INPP4B: variants seen among roughly 807,000 people sequenced by gnomAD.
INPP4B encodes inositol polyphosphate 4-phosphatase type II.
In INPP4B, 55 loss-of-function variants were observed where a neutral mutation model predicts 122.5. The ratio of observed to expected loss-of-function variants is 0.45; its 90% CI spans 0.36 to 0.56. INPP4B has a LOEUF of 0.56. INPP4B is among the 20% of genes least tolerant of loss of function. The pLI is 0.00. For synonymous variants in INPP4B, 403 were observed against 388.7 expected (o/e 1.04, Z -0.43); for missense variants, 1,000 against 1,097.7 (o/e 0.91, Z 1.26).
chr4:142,269,048 A>G (rs780922960), intron 10 of INPP4B, among the ~76,000 whole-genome samples: 4 of 152,146 alleles, frequency 2.6e-5, no homozygotes, highest in Non-Finnish European at 5.9e-5. Flanking sequence ...CACCCTAACA[A>G]TGTAAATTAA....
intron 1 of INPP4B, among the ~76,000 whole-genome samples, chr4:142,825,902 T>C (rs144584235): frequency 2.7e-4 from 41 of 152,294 alleles, no homozygotes; most frequent in Non-Finnish European, 2.8e-4. Flanking sequence ...CTAAAAGTCC[T>C]ATAATGCTTA....
intron 3 of INPP4B, among the ~76,000 whole-genome samples, chr4:142,432,712 C>A (rs1363663591): frequency 6.6e-6 from 1 of 152,026 alleles, no homozygotes; most frequent in East Asian, 1.9e-4. Flanking sequence ...TAGCAGACTG[C>A]AAGGCATGTG....
At chr4:142,745,979 T>C (rs974056044) in intron 1 of INPP4B, among the ~76,000 whole-genome samples, 1 of 151,952 alleles carries the variant, frequency 6.6e-6, no homozygotes, top group Non-Finnish European at 1.5e-5. Flanking sequence ...GTAATCATTG[T>C]TGAAGGTCTG....
intron 2 of INPP4B, among the ~76,000 whole-genome samples, chr4:142,724,077 C>T (rs10003729): frequency 0.011 from 1,643 of 152,152 alleles, 36 homozygotes; most frequent in African/African-American, 0.038. Flanking sequence ...TTCCTTGATT[C>T]CTTTATTTAC....
At chr4:142,033,328 G>A (rs1341111868) in intron 25 of INPP4B, among the ~76,000 whole-genome samples, 1 of 152,178 alleles carries the variant, frequency 6.6e-6, no homozygotes, top group Non-Finnish European at 1.5e-5. Context: ...CACTGTGCCA[G>A]CCACACCCTC....
chr4:142,053,586 A>G (rs201492423), intron 25 of INPP4B, among the ~76,000 whole-genome samples: 1 of 37,848 alleles, frequency 2.6e-5, no homozygotes, highest in East Asian at 1.7e-3. Context: ...TTGTACCTGT[A>G]GTCATGGCCC....
At chr4:142,155,384 T>C (rs1026484352) in intron 17 of INPP4B, among the ~76,000 whole-genome samples, 2 of 152,138 alleles carry the variant, frequency 1.3e-5, no homozygotes, top group African/African-American at 2.4e-5. Context: ...ACAGAGTAGT[T>C]GGACAAGAGA....
chr4:142,339,500 T>C (rs1286864982), intron 7 of INPP4B, among the ~76,000 whole-genome samples: 1 of 152,164 alleles, frequency 6.6e-6, no homozygotes, highest in Non-Finnish European at 1.5e-5. Flanking sequence ...ACACAATTAT[T>C]CTTCCCTTTA....
intron 10 of INPP4B, among the ~76,000 whole-genome samples, chr4:142,269,297 C>G (rs560462659): frequency 4.5e-4 from 24 of 52,926 alleles, no homozygotes; most frequent in African/African-American, 1.1e-3. Context: ...TACCCTCCCC[C>G]CTCTTTTTTC....
intron 2 of INPP4B, among the ~76,000 whole-genome samples, chr4:142,574,729 G>T (rs1281313818): frequency 6.6e-6 from 1 of 151,966 alleles, no homozygotes; most frequent in South Asian, 2.1e-4. Flanking sequence ...TTCTCATATC[G>T]CCATAATAAC....
chr4:142,068,703 T>C (rs923811376), intron 25 of INPP4B, among the ~76,000 whole-genome samples: 1 of 152,080 alleles, frequency 6.6e-6, no homozygotes, highest in African/African-American at 2.4e-5. Context: ...TAAAACAGCC[T>C]TTAAACCAAC....
intron 1 of INPP4B, among the ~76,000 whole-genome samples, chr4:142,754,534 G>A (rs937562969): frequency 6.6e-6 from 1 of 151,838 alleles, no homozygotes; most frequent in Non-Finnish European, 1.5e-5. Flanking sequence ...TCTTGGAGTA[G>A]CATTTTAAAT....
At chr4:142,282,568 T>C (rs1164947918) in intron 9 of INPP4B, among the ~76,000 whole-genome samples, 1 of 152,156 alleles carries the variant, frequency 6.6e-6, no homozygotes, top group Non-Finnish European at 1.5e-5. Flanking sequence ...TTATAACTAA[T>C]TCAGCTTGTT....
intron 18 of INPP4B, among the ~76,000 whole-genome samples, chr4:142,127,835 A>G (rs1799303714): frequency 6.6e-6 from 1 of 152,144 alleles, no homozygotes; most frequent in African/African-American, 2.4e-5. Flanking sequence ...ATTGTACTGG[A>G]AAATTCCAAT....
chr4:142,787,446 C>A (rs1484790926), intron 1 of INPP4B, among the ~76,000 whole-genome samples: 2 of 152,044 alleles, frequency 1.3e-5, no homozygotes, highest in Non-Finnish European at 2.9e-5. Context: ...ATGCTGGCAC[C>A]TTTATACTGG....
intron 5 of INPP4B, among the ~76,000 whole-genome samples, chr4:142,424,103 A>G (rs1435949738): frequency 6.6e-6 from 1 of 151,916 alleles, no homozygotes; most frequent in African/African-American, 2.4e-5. Flanking sequence ...CTTTCCTCTA[A>G]TTATTCTAAT....
At chr4:142,357,471 A>G (rs956334221) in intron 7 of INPP4B, among the ~76,000 whole-genome samples, 8 of 151,994 alleles carry the variant, frequency 5.3e-5, no homozygotes, top group South Asian at 2.1e-4. Context: ...GACAAAAAAT[A>G]CCTTTTTCCC....
chr4:142,567,232 C>T (rs906440444), intron 2 of INPP4B, among the ~76,000 whole-genome samples: 3 of 152,142 alleles, frequency 2.0e-5, no homozygotes, highest in African/African-American at 4.8e-5. Flanking sequence ...AGAAGTACAT[C>T]GTCCTTTGAA....
At chr4:142,723,204 T>C (rs1317690518) in intron 2 of INPP4B, among the ~76,000 whole-genome samples, 1 of 152,098 alleles carries the variant, frequency 6.6e-6, no homozygotes, top group Non-Finnish European at 1.5e-5. Flanking sequence ...CATAAAAGAA[T>C]TGCTGAATTC....
Sources: allele counts gnomAD v4.1 joint callset (sites outside exome capture counted in the v4.1 genomes callset), GRCh38; gene constraint gnomAD v4.1.1; transcripts MANE v1.5; gene names NCBI Gene and HGNC (gene_info 2026-07-23, HGNC 2026-07-21).